The following SH3BP4 variants were observed in gnomAD, a reference collection of about 807,000 sequenced individuals.
SH3BP4 encodes the protein SH3 domain binding protein 4.
In SH3BP4, 33 loss-of-function variants were observed where a neutral mutation model predicts 65.5. The observed-to-expected ratio is 0.50, with a 90% CI of 0.38 to 0.67. The LOEUF is 0.67. Ranked by LOEUF, SH3BP4 falls within the 30% of genes least tolerant of loss-of-function variation. The pLI, the probability that SH3BP4 is intolerant of heterozygous loss-of-function variation, is 0.00. For synonymous variants in SH3BP4, 552 were observed against 545.5 expected, an observed-to-expected ratio of 1.01 and a Z score of -0.17; for missense variants, 1,134 against 1,261.4, an observed-to-expected ratio of 0.90 and a Z score of 1.53.
At chr2:235,047,746 G>A (rs1695915144) in intron 4 of SH3BP4, among the ~76,000 whole-genome samples, 1 of 152,186 alleles carries the variant, frequency 6.6e-6, no homozygotes. Context: ...ACTGGTCCTG[G>A]ATCCACCATA....
At chr2:235,029,634 T>C (rs1359008790) in intron 2 of SH3BP4, among the ~76,000 whole-genome samples, 2 of 152,254 alleles carry the variant, frequency 1.3e-5, no homozygotes, top group African/African-American at 4.8e-5. Flanking sequence ...AAAAATGTTT[T>C]ATTGTGCACA....
In SH3BP4 at chr2:235,042,430, A is replaced by G. The variant is rs1327695023; in HGVS notation, c.1661A>G (p.Glu554Gly). ...NMTNYEVKAS[E>G]QAKVVRGFQL... ...ACGAATTACGAGGTCAAAGCCAGCG[A>G]GCAGGCCAAAGTGGTGCGAGGATTC... The change falls in exon 4 of 6, where the codon GAG becomes GGG. Residue 554 changes from glutamate to glycine, a missense_variant. Transcript: ENST00000392011. This position sits in a 1 kb window ranked among gnomAD's most constrained non-coding sequence, Gnocchi z 7.3. 1 of 1,614,148 alleles carries G rather than the reference A, an allele frequency of 6.2e-7. No individual in the cohort carries two copies. The highest frequency in any genetic ancestry group is 8.5e-7 in the Non-Finnish European group (1 of 1,180,032).
chr2:234,989,871 A>G (rs1320728316), intron 1 of SH3BP4, among the ~76,000 whole-genome samples: 1 of 152,182 alleles, frequency 6.6e-6, no homozygotes, highest in Non-Finnish European at 1.5e-5. Context: ...TTGGACAAGA[A>G]TTTTCAGGGT....
At chr2:234,965,226 CAT>C (rs2106243126) in intron 1 of SH3BP4, among the ~76,000 whole-genome samples, 1 of 152,364 alleles carries the variant, frequency 6.6e-6, no homozygotes, top group Admixed American at 6.5e-5. Flanking sequence ...GTGAAAACCA[CAT>C]GAGAGGCACC....
chr2:235,045,394 A>G lies in SH3BP4; in HGVS notation c.2478+2147A>G, dbSNP rs937007985. ...GCTTTTTTATCTTTTTCCAAAAGAC[A>G]TAAATGATCAAACTCTCTCAATTCG... On this transcript the variant is annotated intron_variant, in intron 4 of 5. Coordinates refer to ENST00000392011, the MANE Select transcript of SH3BP4 (RefSeq NM_014521.3). The surrounding 1 kb of genome is among the most constrained non-coding windows in gnomAD (Gnocchi z 4.3). 7.9e-5 allele frequency among the ~76,000 whole-genome samples: 12 copies of G among 152,188 alleles called. No homozygotes were observed. Among genetic ancestry groups the G allele is most frequent in the African/African-American group, 2.7e-4 (11 of 41,464 alleles).
intron 4 of SH3BP4, among the ~76,000 whole-genome samples, chr2:235,050,569 A>G (rs1449885575): frequency 6.6e-6 from 1 of 151,876 alleles, no homozygotes; most frequent in Non-Finnish European, 1.5e-5. Flanking sequence ...TTTAAATTCC[A>G]TGGATTGAGA....
At chr2:235,020,105 T>G (rs1694808897) in intron 2 of SH3BP4, among the ~76,000 whole-genome samples, 1 of 152,224 alleles carries the variant, frequency 6.6e-6, no homozygotes, top group Admixed American at 6.5e-5. Flanking sequence ...ACCACTGAGC[T>G]GGGCAGACTC....
chr2:235,029,887 A>T (rs1249900800), intron 2 of SH3BP4, among the ~76,000 whole-genome samples: 1 of 152,208 alleles, frequency 6.6e-6, no homozygotes, highest in Non-Finnish European at 1.5e-5. Context: ...GCTGGGAATC[A>T]GCGGAGCTAA....
In SH3BP4 at chr2:235,053,875, C is replaced by T; in HGVS notation, c.*59C>T. 7.4e-7 allele frequency: 1 copy of T among 1,349,100 alleles called. No homozygotes were observed. The highest frequency in any genetic ancestry group is 1.1e-6 in the Non-Finnish European group (1 of 942,992). The allele number at this position is 1,349,100 out of a possible 1,614,324, so 83.6% of individuals were successfully genotyped here. On this transcript the variant is annotated 3_prime_UTR_variant, in exon 6 of 6. Coordinates refer to ENST00000392011, the MANE Select transcript of SH3BP4 (RefSeq NM_014521.3). ...CAAGCCCTCTTCTGCCCTGCGTGCC[C>T]TGCTGTCACCGCGGAGCTGAAGAGG...
intron 1 of SH3BP4, 200 bp from the exon 2 acceptor site, chr2:234,995,103 G>A (rs929559026): frequency 7.9e-5 from 12 of 152,256 alleles, no homozygotes; most frequent in African/African-American, 1.2e-4. Context: ...AGGTCCTTCC[G>A]CTGGCCACTC....
Position 234,997,314 on chromosome 2 carries a change from C to G in SH3BP4, c.-133+1938C>G, listed in dbSNP as rs1693955142. Among the ~76,000 whole-genome samples the G allele has an allele frequency of 6.6e-6, 1 of 152,188 alleles. No individual in the cohort carries two copies. Among genetic ancestry groups the G allele is most frequent in the African/African-American group, 2.4e-5 (1 of 41,442 alleles). The stretch of plus-strand genomic sequence containing the variant: ...TTTGCCTGGGGGTCAGTGAGAGACA[C>G]GGCTACCCAGGGTTTCCATTTCCAG... On this transcript the variant is annotated intron_variant, in intron 2 of 5. Coordinates refer to ENST00000392011, the MANE Select transcript of SH3BP4 (RefSeq NM_014521.3). This position sits in a 1 kb window ranked among gnomAD's most constrained non-coding sequence, Gnocchi z 4.2.
intron 1 of SH3BP4, among the ~76,000 whole-genome samples, chr2:234,990,955 G>A (rs1165142227): frequency 1.3e-5 from 2 of 152,144 alleles, no homozygotes; most frequent in African/African-American, 2.4e-5. Flanking sequence ...CTCTCTGTGT[G>A]CATGTCTGTT....
intron 2 of SH3BP4, among the ~76,000 whole-genome samples, chr2:235,009,986 C>T (rs973001621): frequency 1.3e-5 from 2 of 152,114 alleles, no homozygotes; most frequent in African/African-American, 2.4e-5. Context: ...TGCTCAGTCA[C>T]CTCCTTCTGG....
At chr2:234,999,591 T>C (rs896455778) in intron 2 of SH3BP4, among the ~76,000 whole-genome samples, 1 of 152,182 alleles carries the variant, frequency 6.6e-6, no homozygotes, top group East Asian at 1.9e-4. Context: ...ATAGACAGAT[T>C]TCAATTATTG....
intron 1 of SH3BP4, among the ~76,000 whole-genome samples, chr2:234,958,518 T>G (rs1466915565): frequency 1.3e-5 from 2 of 151,788 alleles, no homozygotes; most frequent in Non-Finnish European, 2.9e-5. Context: ...AGTTGGGCAG[T>G]GAGTGTGGAA....
Position 235,030,653 on chromosome 2 carries a change from G to A in SH3BP4, c.-132-4218G>A, listed in dbSNP as rs1559250754. 6.6e-6 allele frequency among the ~76,000 whole-genome samples: 1 copy of A among 152,120 alleles called. No individual in the cohort carries two copies. The highest frequency in any genetic ancestry group is 1.5e-5 in the Non-Finnish European group (1 of 68,006). On this transcript the variant is annotated intron_variant, in intron 2 of 5. Coordinates refer to ENST00000392011, the MANE Select transcript of SH3BP4 (RefSeq NM_014521.3). This position sits in a 1 kb window ranked among gnomAD's most constrained non-coding sequence, Gnocchi z 4.1. ...TGAGCTGGGAGGAGGAGGAGGGGTG[G>A]GAGGGGAGAGGATTCTGCTGTAGGA...
In SH3BP4 at chr2:235,042,978, A is replaced by G. The variant is rs1390353327; in HGVS notation, c.2209A>G (p.Thr737Ala). Reference protein sequence around the residue: ...PSLCSGPELSTSVLLEQILRP... With the variant: ...PSLCSGPELSASVLLEQILRP... ...CCTGTGCTCGGGCCCCGAGCTGAGC[A>G]CCTCGGTGCTGCTGGAGCAGATCCT... Residue 737 changes from threonine (T) to alanine (A), a missense_variant, in exon 4 of 6, where the codon ACC becomes GCC. Coordinates refer to ENST00000392011, the MANE Select transcript of SH3BP4 (RefSeq NM_014521.3). This position sits in a 1 kb window ranked among gnomAD's most constrained non-coding sequence, Gnocchi z 7.3. 1 of 1,612,092 alleles carries G rather than the reference A, an allele frequency of 6.2e-7. No individual in the cohort carries two copies. The highest frequency in any genetic ancestry group is 8.5e-7 in the Non-Finnish European group (1 of 1,179,020).
rs1180270671 is a variant in SH3BP4, at chr2:234,976,663, A to G, written c.-206-18640A>G. Among the ~76,000 whole-genome samples the G allele has an allele frequency of 2.0e-5, 3 of 152,136 alleles. No homozygotes were observed. The highest frequency in any genetic ancestry group is 4.4e-5 in the Non-Finnish European group (3 of 68,024). Reference sequence around the variant, plus strand: ...TGACCAAGGTCACCATGGCAGGGATAAGTCACGCTGATGGCATTGTGTGGC... The same window carrying G: ...TGACCAAGGTCACCATGGCAGGGATGAGTCACGCTGATGGCATTGTGTGGC... On this transcript the variant is annotated intron_variant, in intron 1 of 5. Coordinates refer to ENST00000392011, the MANE Select transcript of SH3BP4 (RefSeq NM_014521.3). This position sits in a 1 kb window ranked among gnomAD's most constrained non-coding sequence, Gnocchi z 4.7.
intron 1 of SH3BP4, among the ~76,000 whole-genome samples, chr2:234,969,443 C>T (rs749587615): frequency 1.4e-4 from 21 of 152,308 alleles, no homozygotes; most frequent in Non-Finnish European, 2.8e-4. Context: ...ACCCTGGCCT[C>T]TGACTGGGAG....
Sources: allele counts gnomAD v4.1 joint callset (sites outside exome capture counted in the v4.1 genomes callset), GRCh38; gene constraint gnomAD v4.1.1; non-coding constraint Gnocchi (gnomAD v3.1); transcripts MANE v1.5; gene names NCBI Gene and HGNC (gene_info 2026-07-23, HGNC 2026-07-21).